Variants in MYRIP observed in about 807,000 individuals in gnomAD.
MYRIP encodes rab effector MyRIP.
In MYRIP, 49 loss-of-function variants were observed where a neutral mutation model predicts 98.0. That is an observed-to-expected ratio of 0.50 (90% CI 0.40 to 0.63). MYRIP has a LOEUF of 0.63. Among genes scored for constraint, MYRIP ranks in the 30% least tolerant of loss-of-function variants. MYRIP has a pLI of 0.00. For synonymous variants in MYRIP, 404 were observed against 409.5 expected (o/e 0.99, Z 0.16); for missense variants, 1,004 against 1,058.2 (o/e 0.95, Z 0.71).
chr3:40,129,476 A>C, intron 3 of MYRIP, among the ~76,000 whole-genome samples: 2 of 124,736 alleles, frequency 1.6e-5, no homozygotes, highest in South Asian at 3.1e-4. Flanking sequence ...AAAAAAAAAA[A>C]TCATGCCACC....
At chr3:39,889,977 A>C (rs1339353142) in intron 1 of MYRIP, among the ~76,000 whole-genome samples, 2 of 152,126 alleles carry the variant, frequency 1.3e-5, no homozygotes, top group South Asian at 2.1e-4. Flanking sequence ...TATAGTTGTA[A>C]AAAATCTAAA....
chr3:40,002,399 G>C (rs1946538013), intron 2 of MYRIP, among the ~76,000 whole-genome samples: 1 of 152,100 alleles, frequency 6.6e-6, no homozygotes, highest in African/African-American at 2.4e-5. Context: ...GCTGGGCATA[G>C]TGGCGTGTGC....
intron 7 of MYRIP, among the ~76,000 whole-genome samples, chr3:40,168,371 C>G (rs1025054595): frequency 6.6e-6 from 1 of 152,150 alleles, no homozygotes; most frequent in Non-Finnish European, 1.5e-5. Context: ...CTTAGCCTAG[C>G]CTATCGTAAA....
intron 2 of MYRIP, among the ~76,000 whole-genome samples, chr3:40,000,316 A>G (rs1946489610): frequency 6.6e-6 from 1 of 152,220 alleles, no homozygotes; most frequent in Non-Finnish European, 1.5e-5. Flanking sequence ...AGACTGTTCT[A>G]AGTGACTCCA....
chr3:40,124,339 C>T (rs947529123), intron 3 of MYRIP, among the ~76,000 whole-genome samples: 5 of 152,238 alleles, frequency 3.3e-5, no homozygotes, highest in Admixed American at 1.3e-4. Flanking sequence ...CCAAAGGCCC[C>T]TTTTGAATGC....
chr3:40,032,808 C>CA (rs977187126), intron 2 of MYRIP, among the ~76,000 whole-genome samples: 3 of 152,064 alleles, frequency 2.0e-5, no homozygotes, highest in African/African-American at 7.2e-5. Flanking sequence ...AAAATTGATG[C>CA]AAAAATCCTC....
chr3:40,255,480 A>ATAAAT (rs1041661761), intron 16 of MYRIP, among the ~76,000 whole-genome samples: 4 of 152,262 alleles, frequency 2.6e-5, no homozygotes, highest in African/African-American at 4.8e-5. Context: ...TAAAATAAAA[A>ATAAAT]TAAATTACCT....
intron 2 of MYRIP, among the ~76,000 whole-genome samples, chr3:39,946,121 T>TA (rs1944895949): frequency 6.6e-6 from 1 of 151,820 alleles, no homozygotes; most frequent in Non-Finnish European, 1.5e-5. Flanking sequence ...AAACACAAAA[T>TA]AAAATGACAC....
At chr3:40,118,460 G>A (rs920121408) in intron 3 of MYRIP, among the ~76,000 whole-genome samples, 6 of 152,036 alleles carry the variant, frequency 3.9e-5, no homozygotes, top group African/African-American at 1.4e-4. Flanking sequence ...CTAATCAATA[G>A]GGCACAGGTT....
At chr3:39,884,952 C>A (rs1943252679) in intron 1 of MYRIP, among the ~76,000 whole-genome samples, 2 of 124,738 alleles carry the variant, frequency 1.6e-5, no homozygotes, top group Middle Eastern at 4.5e-3. Flanking sequence ...CCCTCCCTAT[C>A]ATAATGATAT....
chr3:40,136,041 C>T (rs561111375), intron 3 of MYRIP, among the ~76,000 whole-genome samples: 25 of 152,108 alleles, frequency 1.6e-4, no homozygotes, highest in Non-Finnish European at 3.2e-4. Flanking sequence ...CAATACTAAC[C>T]TTAAATGTAA....
chr3:39,860,885 C>T (rs576279557), intron 1 of MYRIP, among the ~76,000 whole-genome samples: 46 of 152,354 alleles, frequency 3.0e-4, no homozygotes, highest in Non-Finnish European at 5.1e-4. Flanking sequence ...AAGGCACCAG[C>T]CCCATACCTG....
intron 2 of MYRIP, among the ~76,000 whole-genome samples, chr3:39,934,425 G>T (rs1003794964): frequency 1.3e-5 from 2 of 152,086 alleles, no homozygotes; most frequent in Non-Finnish European, 2.9e-5. Context: ...GCCATCCCCA[G>T]GTGGCAGAGA....
At position 40,106,670 on chromosome 3, in the gene MYRIP, C is replaced by A. The variant is rs966401965; in HGVS notation, c.333-44378C>A. Among the ~76,000 whole-genome samples, 73 of 152,100 alleles carry A rather than the reference C, an allele frequency of 4.8e-4. 1 individual carries two copies. Among genetic ancestry groups the A allele is most frequent in the African/African-American group, 1.7e-3 (72 of 41,496 alleles). ...GAGAGTGAGAGAGCTTTTGAAGTCCCCCATTATGCTTTTTAAAAATTTCTC... is the reference window on the plus strand; with the variant it reads ...GAGAGTGAGAGAGCTTTTGAAGTCCACCATTATGCTTTTTAAAAATTTCTC... On this transcript the variant is annotated intron_variant, in intron 3 of 16. Transcript: ENST00000302541.
At chr3:40,075,041 A>C (rs1948315053) in intron 3 of MYRIP, among the ~76,000 whole-genome samples, 1 of 152,226 alleles carries the variant, frequency 6.6e-6, no homozygotes, top group South Asian at 2.1e-4. Flanking sequence ...ATCACAAGAA[A>C]AGATATTTTA....
chr3:39,910,090 C>T (rs549656725), intron 2 of MYRIP, among the ~76,000 whole-genome samples: 1 of 152,202 alleles, frequency 6.6e-6, no homozygotes, highest in African/African-American at 2.4e-5. Flanking sequence ...GGGATTTCAT[C>T]ATGTTGGTCA....
chr3:40,193,858 C>T (rs1297446964), intron 10 of MYRIP, among the ~76,000 whole-genome samples: 1 of 150,026 alleles, frequency 6.7e-6, no homozygotes, highest in Non-Finnish European at 1.5e-5. Flanking sequence ...TTCATCCATC[C>T]CGCTAGCCTT....
chr3:39,942,779 A>G (rs530289644), intron 2 of MYRIP, among the ~76,000 whole-genome samples: 2 of 152,162 alleles, frequency 1.3e-5, no homozygotes, highest in South Asian at 4.2e-4. Context: ...GTATATTTGT[A>G]CCCATTAATC....
chr3:40,160,992 C>T (rs898337467), intron 4 of MYRIP, among the ~76,000 whole-genome samples: 11 of 152,140 alleles, frequency 7.2e-5, no homozygotes, highest in Admixed American at 2.0e-4. Context: ...AGCTGTAGAC[C>T]GGAGCTGTTC....
Sources: allele counts gnomAD v4.1 joint callset (sites outside exome capture counted in the v4.1 genomes callset), GRCh38; gene constraint gnomAD v4.1.1; transcripts MANE v1.5; gene names NCBI Gene and HGNC (gene_info 2026-07-23, HGNC 2026-07-21).